Variants in NUP98 observed in about 807,000 individuals in gnomAD.
The protein encoded by NUP98 is nuclear pore complex protein Nup98-Nup96.
Under a neutral mutation model 191.9 loss-of-function variants are expected in NUP98, and 26 were observed. The ratio of observed to expected loss-of-function variants is 0.14; its 90% CI spans 0.10 to 0.19. The LOEUF (loss-of-function observed/expected upper bound fraction) is 0.19, where lower values mean the gene tolerates loss of function less well. Ranked by LOEUF, NUP98 falls within the 10% of genes least tolerant of loss-of-function variation. The pLI, the probability that NUP98 is intolerant of heterozygous loss-of-function variation, is 1.00. For synonymous variants in NUP98, 808 were observed against 778.4 expected, an observed-to-expected ratio of 1.04 and a Z score of -0.63; for missense variants, 1,941 against 2,178.8, an observed-to-expected ratio of 0.89 and a Z score of 2.17.
intron 5 of NUP98, 63 bp downstream of exon 5, chr11:3,775,819 A>G: frequency 6.6e-7 from 1 of 1,516,662 alleles, no homozygotes; most frequent in East Asian, 2.3e-5. Flanking sequence ...TTTACAATTC[A>G]TCCTGCAAAG....
chr11:3,712,301 A>G (rs1430295576), intron 20 of NUP98: 1 of 1,239,022 alleles, frequency 8.1e-7, no homozygotes, highest in East Asian at 3.4e-5. Context: ...AGCAAGTCCA[A>G]ATGAGAGAGA....
At position 3,712,296 on chromosome 11, in the gene NUP98, G is replaced by C. The variant is rs936062155; in HGVS notation, c.2742+268C>G. 67 of 1,227,078 alleles carry C rather than the reference G, an allele frequency of 5.5e-5. No individual in the cohort carries two copies. In the African/African-American group the frequency reaches 8.5e-4, roughly 16 times the overall value. 76.0% of individuals were successfully genotyped at this position (1,227,078 alleles called of 1,614,324 possible). A position where few individuals can be genotyped will look rare whatever the true frequency, so the allele number is the denominator to read the frequency against. On this transcript the variant is annotated intron_variant, in intron 20 of 32. Coordinates refer to ENST00000324932, the MANE Select transcript of NUP98 (RefSeq NM_016320.5). ...AATCACTGAGCAGAGAATTCAGCAA[G>C]TCCAAATGAGAGAGAACAAAGGGTT...
chr11:3,679,751 T>C (rs2077931316), intron 30 of NUP98, 43 bp from the exon 31 acceptor site: 2 of 1,583,890 alleles, frequency 1.3e-6, no homozygotes, highest in South Asian at 1.1e-5. Context: ...CACAAGTGCA[T>C]AGTTTCCAAA....
At chr11:3,686,312 G>C in intron 28 of NUP98, 118 bp from the exon 29 acceptor site, 1 of 804,738 alleles carries the variant, frequency 1.2e-6, no homozygotes, top group Non-Finnish European at 2.0e-6. Flanking sequence ...AGCATTATAG[G>C]CCTTCTCTCC....
chr11:3,789,777 T>G (rs1013487485), intron 1 of NUP98, among the ~76,000 whole-genome samples: 4 of 151,870 alleles, frequency 2.6e-5, no homozygotes, highest in Non-Finnish European at 5.9e-5. Flanking sequence ...CCCATTTACT[T>G]ATTTTTTATT....
intron 25 of NUP98, chr11:3,697,074 C>G (rs1238671377): frequency 6.6e-6 from 1 of 151,994 alleles, no homozygotes; most frequent in Admixed American, 6.6e-5. Context: ...AGATCAATCC[C>G]AAAGATAAAT....
At chr11:3,688,873 G>A (rs2078217161) in intron 28 of NUP98, among the ~76,000 whole-genome samples, 1 of 145,752 alleles carries the variant, frequency 6.9e-6, no homozygotes, top group South Asian at 2.1e-4. Context: ...GATTTGAAAT[G>A]AGATGAGCTA....
In NUP98 at chr11:3,742,487, G is replaced by C. The variant is rs141564202; in HGVS notation, c.1408+2022C>G. Among the ~76,000 whole-genome samples, 356 of 152,124 alleles carry C rather than the reference G, an allele frequency of 2.3e-3. 1 individual carries two copies. The highest frequency in any genetic ancestry group is 2.2e-3 in the Non-Finnish European group (149 of 68,002). On this transcript the variant is annotated intron_variant, in intron 12 of 32. Coordinates refer to ENST00000324932, the MANE Select transcript of NUP98 (RefSeq NM_016320.5). Reference sequence around the variant, plus strand: ...AGGCCAAGGTAGATGGATCACCTGAGGTCAGGAGTTCGAGACCAGCCTGGC... The same window carrying C: ...AGGCCAAGGTAGATGGATCACCTGACGTCAGGAGTTCGAGACCAGCCTGGC...
chr11:3,679,842 C>A (rs1223464905), intron 30 of NUP98, 134 bp from the exon 31 acceptor site: 3 of 758,722 alleles, frequency 4.0e-6, no homozygotes, highest in East Asian at 2.7e-5. Flanking sequence ...CACATACAGG[C>A]ATACCTCAAA....
chr11:3,678,291 A>G (rs895500076), intron 31 of NUP98, among the ~76,000 whole-genome samples: 1 of 152,186 alleles, frequency 6.6e-6, no homozygotes, highest in African/African-American at 2.4e-5. Context: ...CGAGAGAGGT[A>G]GTTAACTTGC....
At chr11:3,788,082 T>C (rs2082204204) in intron 1 of NUP98, among the ~76,000 whole-genome samples, 1 of 152,208 alleles carries the variant, frequency 6.6e-6, no homozygotes, top group Admixed American at 6.5e-5. Flanking sequence ...ATGCAATATA[T>C]TTGTTATTAT....
Position 3,700,545 on chromosome 11 carries a change from C to T in NUP98, c.3742+65G>A, listed in dbSNP as rs113948341. The T allele has an allele frequency of 5.3e-5, 61 of 1,156,222 alleles. 2 individuals are homozygous for T. The South Asian group carries it at 7.2e-4, about 14-fold the overall frequency. The allele number at this position is 1,156,222 out of a possible 1,614,324, so 71.6% of individuals were successfully genotyped here. On this transcript the variant is annotated intron_variant, in intron 24 of 32. Coordinates refer to ENST00000324932, the MANE Select transcript of NUP98 (RefSeq NM_016320.5). Reference sequence around the variant, plus strand: ...ACTGGTGCCAGGAAATTCATCCTCCCGTGAACATACGCTACCACCACTATT... The same window carrying T: ...ACTGGTGCCAGGAAATTCATCCTCCTGTGAACATACGCTACCACCACTATT...
intron 4 of NUP98, among the ~76,000 whole-genome samples, chr11:3,776,485 TC>T (rs1341978260): frequency 7.1e-6 from 1 of 141,326 alleles, no homozygotes; most frequent in African/African-American, 2.8e-5. Context: ...AATAGAAATT[TC>T]TTTTTTTTTT....
At chr11:3,751,518 T>C (rs2080751580) in intron 11 of NUP98, among the ~76,000 whole-genome samples, 1 of 152,158 alleles carries the variant, frequency 6.6e-6, no homozygotes. Context: ...AGACTGGACT[T>C]TTCATGAAAT....
chr11:3,726,075 T>G (rs1365092595), intron 14 of NUP98, among the ~76,000 whole-genome samples: 3 of 152,100 alleles, frequency 2.0e-5, no homozygotes, highest in Non-Finnish European at 4.4e-5. Flanking sequence ...CACTACAGAG[T>G]ACACACTCTT....
At chr11:3,697,770 C>T (rs1340069511) in intron 25 of NUP98, among the ~76,000 whole-genome samples, 4 of 136,506 alleles carry the variant, frequency 2.9e-5, no homozygotes, top group Admixed American at 8.1e-5. Flanking sequence ...GAGCTGAGAT[C>T]GTTCCACTGC....
At chr11:3,683,496 C>A (rs1422796827) in intron 29 of NUP98, 55 bp from the exon 30 acceptor site, 10 of 1,598,230 alleles carry the variant, frequency 6.3e-6, no homozygotes, top group Non-Finnish European at 7.7e-6. Flanking sequence ...GAGAAGGCTG[C>A]CCCAGGCAGC....
At chr11:3,771,994 A>G in intron 6 of NUP98, 66 bp from the exon 7 acceptor site, 1 of 1,366,446 alleles carries the variant, frequency 7.3e-7, no homozygotes, top group Non-Finnish European at 1.0e-6. Flanking sequence ...TAGGAGGCTA[A>G]ATACTTGAAT....
chr11:3,682,056 C>T (rs1444348724), intron 30 of NUP98, among the ~76,000 whole-genome samples: 7 of 152,230 alleles, frequency 4.6e-5, no homozygotes, highest in East Asian at 1.9e-4. Context: ...GGAAAGACAG[C>T]TTCTTTCCTT....
Sources: allele counts gnomAD v4.1 joint callset (sites outside exome capture counted in the v4.1 genomes callset), GRCh38; gene constraint gnomAD v4.1.1; transcripts MANE v1.5; gene names NCBI Gene and HGNC (gene_info 2026-07-23, HGNC 2026-07-21).